The following DCLK1 variants were observed in gnomAD, a reference collection of about 807,000 sequenced individuals.
DCLK1 encodes doublecortin like kinase 1.
A neutral mutation model predicts 86.2 loss-of-function variants in DCLK1; 16 were observed. The ratio of observed to expected loss-of-function variants is 0.19; its 90% confidence interval spans 0.13 to 0.28. The LOEUF is 0.28. Among genes scored for constraint, DCLK1 ranks in the 10% least tolerant of loss-of-function variants. The pLI, the probability that DCLK1 is intolerant of heterozygous loss-of-function variation, is 1.00. For synonymous variants in DCLK1, 369 were observed against 370.5 expected, an observed-to-expected ratio of 1.00 and a Z score of 0.05; for missense variants, 590 against 940.2, an observed-to-expected ratio of 0.63 and a Z score of 4.87.
chr13:36,019,867 G>C (rs1012270188), intron 3 of DCLK1, among the ~76,000 whole-genome samples: 2 of 152,150 alleles, frequency 1.3e-5, no homozygotes, highest in African/African-American at 4.8e-5. Context: ...TTTATATATG[G>C]TTTGTTTAGC....
intron 16 of DCLK1, among the ~76,000 whole-genome samples, chr13:35,780,641 T>C (rs2086509075): frequency 6.6e-6 from 1 of 152,136 alleles, no homozygotes; most frequent in South Asian, 2.1e-4. Context: ...GTTGATTAAA[T>C]AAAATGGTAT....
At chr13:35,868,025 T>C (rs1180829714) in intron 5 of DCLK1, among the ~76,000 whole-genome samples, 1 of 142,366 alleles carries the variant, frequency 7.0e-6, no homozygotes, top group African/African-American at 2.7e-5. Context: ...TACAGCTCTT[T>C]TTTTTTTTTT....
intron 3 of DCLK1, among the ~76,000 whole-genome samples, chr13:36,075,296 T>C (rs1158913988): frequency 6.6e-6 from 1 of 152,228 alleles, no homozygotes; most frequent in Non-Finnish European, 1.5e-5. Context: ...TGCCAGGCTC[T>C]TTTCCATTAG....
chr13:35,792,858 T>A (rs1056648703), intron 16 of DCLK1, among the ~76,000 whole-genome samples: 1 of 152,222 alleles, frequency 6.6e-6, no homozygotes, highest in African/African-American at 2.4e-5. Flanking sequence ...CAAGACATCG[T>A]GACTTCGTTG....
At chr13:36,112,339 G>C in intron 2 of DCLK1, 124 bp from the exon 3 acceptor site, 1 of 639,790 alleles carries the variant, frequency 1.6e-6, no homozygotes, top group Non-Finnish European at 2.5e-6. Context: ...TCAAACAATG[G>C]AAGTGTGATT....
intron 1 of DCLK1, among the ~76,000 whole-genome samples, chr13:36,127,487 T>A (rs1191667398): frequency 1.3e-5 from 2 of 152,218 alleles, no homozygotes; most frequent in Admixed American, 1.3e-4. Context: ...TTGCTCAGCA[T>A]CTTTAAGCCT....
At chr13:36,022,179 G>A (rs1881813269) in intron 3 of DCLK1, among the ~76,000 whole-genome samples, 1 of 151,968 alleles carries the variant, frequency 6.6e-6, no homozygotes, top group Admixed American at 6.6e-5. Context: ...ATAGCCAATG[G>A]ATTAAAGAAT....
rs138160118 is a variant in DCLK1 at position 36,052,021 on chromosome 13, C to T, written c.723+59848G>A. ...CTGCCATTCACAGGAAGCCTGAGCC[C>T]CCCAGGTGATTTGGAATACAACTCC... On this transcript the variant is annotated intron_variant, in intron 3 of 16. Transcript: ENST00000360631. Among the ~76,000 whole-genome samples, 1,487 of 152,234 alleles carry T rather than the reference C, an allele frequency of 9.8e-3. 7 individuals carry two copies. The highest frequency in any genetic ancestry group is 0.017 in the Non-Finnish European group (1,138 of 68,008).
intron 4 of DCLK1, among the ~76,000 whole-genome samples, chr13:35,888,203 G>A (rs1000856612): frequency 3.9e-5 from 6 of 152,060 alleles, no homozygotes; most frequent in African/African-American, 1.2e-4. Context: ...TTAATGAGAA[G>A]TATCCTTCCC....
At chr13:35,853,597 T>C (rs563231122) in intron 6 of DCLK1, among the ~76,000 whole-genome samples, 143 of 152,306 alleles carry the variant, frequency 9.4e-4, no homozygotes, top group African/African-American at 3.3e-3. Flanking sequence ...ACTCAGAAGT[T>C]TTGTTTTAAA....
chr13:36,079,494 T>C (rs1056457260), intron 3 of DCLK1, among the ~76,000 whole-genome samples: 1 of 151,974 alleles, frequency 6.6e-6, no homozygotes, highest in African/African-American at 2.4e-5. Context: ...TAGCCGGGCA[T>C]GGTGGCGGGC....
intron 6 of DCLK1, among the ~76,000 whole-genome samples, chr13:35,845,610 T>A (rs925899414): frequency 6.6e-6 from 1 of 152,138 alleles, no homozygotes; most frequent in Non-Finnish European, 1.5e-5. Flanking sequence ...TCTGACAAAT[T>A]CCTCCTTTAA....
At chr13:36,127,529 A>C (rs1009209102) in intron 1 of DCLK1, among the ~76,000 whole-genome samples, 2 of 152,218 alleles carry the variant, frequency 1.3e-5, no homozygotes, top group African/African-American at 2.4e-5. Flanking sequence ...GGGAATGAGA[A>C]CAGTACCTAC....
intron 3 of DCLK1, among the ~76,000 whole-genome samples, chr13:36,045,714 T>G (rs1882887347): frequency 6.6e-6 from 1 of 151,760 alleles, no homozygotes; most frequent in Non-Finnish European, 1.5e-5. Context: ...TAGCCAGGTG[T>G]GGTGGTGAAC....
chr13:35,781,127 G>T (rs2086517379), intron 16 of DCLK1, among the ~76,000 whole-genome samples: 1 of 152,156 alleles, frequency 6.6e-6, no homozygotes, highest in Admixed American at 6.5e-5. Context: ...GAGGAGGAAG[G>T]TCAGGAATAA....
At chr13:35,904,163 T>A (rs1566595187) in intron 4 of DCLK1, among the ~76,000 whole-genome samples, 2 of 152,172 alleles carry the variant, frequency 1.3e-5, no homozygotes, top group Non-Finnish European at 2.9e-5. Flanking sequence ...CAAAGTATCA[T>A]ACAACATTTT....
intron 3 of DCLK1, among the ~76,000 whole-genome samples, chr13:35,980,032 C>T (rs747473377): frequency 2.6e-5 from 4 of 152,216 alleles, no homozygotes; most frequent in Non-Finnish European, 5.9e-5. Flanking sequence ...TAAAGATCTC[C>T]TGCCTTAAAC....
chr13:35,985,239 A>G (rs1385254788), intron 3 of DCLK1, among the ~76,000 whole-genome samples: 1 of 152,164 alleles, frequency 6.6e-6, no homozygotes, highest in Non-Finnish European at 1.5e-5. Context: ...AAAGCCAATA[A>G]GCCCATTCTC....
chr13:35,847,636 AAAGAAAG>A (rs1870292378), intron 6 of DCLK1: 1 of 904,248 alleles, frequency 1.1e-6, no homozygotes, highest in African/African-American at 1.8e-5. Flanking sequence ...AGAAAGAAAG[AAAGAAAG>A]AAAGAAAGAA....
Sources: allele counts gnomAD v4.1 joint callset (sites outside exome capture counted in the v4.1 genomes callset), GRCh38; gene constraint gnomAD v4.1.1; transcripts MANE v1.5; gene names NCBI Gene and HGNC (gene_info 2026-07-23, HGNC 2026-07-21).